LTBP2: variants seen among roughly 807,000 people sequenced by gnomAD.
The protein encoded by LTBP2 is latent-transforming growth factor beta-binding protein 2.
A neutral mutation model predicts 210.6 loss-of-function variants in LTBP2; 103 were observed. The ratio of observed to expected loss-of-function variants is 0.49; its 90% confidence interval spans 0.42 to 0.58. LTBP2 has a LOEUF of 0.58. Among genes scored for constraint, LTBP2 ranks in the 20% least tolerant of loss-of-function variants. The pLI, the probability that LTBP2 is intolerant of heterozygous loss-of-function variation, is 0.00. For missense variants in LTBP2, 2,313 were observed against 2,494.5 expected (o/e 0.93, Z 1.55); for synonymous variants, 1,007 against 1,015.0 (o/e 0.99, Z 0.15).
rs115718997 is a variant in LTBP2, at chr14:74,597,963, C to T, written c.565+5672G>A. Reference sequence around the variant, plus strand: ...AAGGCTTGTTAAGCATTTCCCACAGCGAGGTGCTGCGCTCACTGCTTTACA... The same window carrying T: ...AAGGCTTGTTAAGCATTTCCCACAGTGAGGTGCTGCGCTCACTGCTTTACA... On this transcript the variant is annotated intron_variant, in intron 2 of 35. Transcript: ENST00000261978. 5.5e-3 allele frequency among the ~76,000 whole-genome samples: 841 copies of T among 152,312 alleles called. 8 individuals are homozygous for T. The highest frequency in any genetic ancestry group is 0.019 in the African/African-American group (807 of 41,572).
chr14:74,594,565 C>T (rs987837825), intron 2 of LTBP2, among the ~76,000 whole-genome samples: 1 of 152,222 alleles, frequency 6.6e-6, no homozygotes, highest in African/African-American at 2.4e-5. Context: ...TAGAGGCCTT[C>T]GCAGACGGGA....
chr14:74,612,158 C>A lies in LTBP2; in HGVS notation c.-214G>T. The A allele has an allele frequency of 1.9e-6, 1 of 521,948 alleles. No individual in the cohort carries two copies. Among genetic ancestry groups the A allele is most frequent in the Non-Finnish European group, 3.3e-6 (1 of 303,944 alleles). The allele number at this position is 521,948 out of a possible 1,614,324, so 32.3% of individuals were successfully genotyped here. On this transcript the variant is annotated 5_prime_UTR_variant, in exon 1 of 36. Coordinates refer to ENST00000261978, the MANE Select transcript of LTBP2 (RefSeq NM_000428.3). ...AGTCCGCGCTCCTACTCCAGCTGGG[C>A]TCGCACGGCTGCTGCACCTTCGCGC...
rs1029619699 is a variant in LTBP2 at position 74,498,992 on chromosome 14, T to C, written c.*1892A>G. The C allele has an allele frequency of 9.0e-6, 2 of 221,108 alleles. No homozygotes were observed. The highest frequency in any genetic ancestry group is 2.2e-5 in the African/African-American group (1 of 44,716). The allele number at this position is 221,108 out of a possible 1,614,324, so 13.7% of individuals were successfully genotyped here. A position where few individuals can be genotyped will look rare whatever the true frequency, so the allele number is the denominator to read the frequency against. ...TCATTTTATATCTGGTGAAAATATA[T>C]CTGAAGGTTAAGTTCCTAGAAGTGG... On this transcript the variant is annotated 3_prime_UTR_variant, in exon 36 of 36. Coordinates refer to ENST00000261978, the MANE Select transcript of LTBP2 (RefSeq NM_000428.3).
chr14:74,540,809 A>ATTATATATATATTT (rs1491126915), intron 8 of LTBP2, among the ~76,000 whole-genome samples: 4 of 63,812 alleles, frequency 6.3e-5, no homozygotes, highest in African/African-American at 1.1e-4. Flanking sequence ...ATATATATAT[A>ATTATATATATATTT]ATATATATAT....
In LTBP2 at chr14:74,508,092, A is replaced by C. The variant is rs1480778578; in HGVS notation, c.3656T>G (p.Val1219Gly). The C allele has an allele frequency of 1.2e-6, 2 of 1,613,762 alleles. No homozygotes were observed. Among genetic ancestry groups the C allele is most frequent in the South Asian group, 2.2e-5 (2 of 91,076 alleles). Residue 1219 changes from valine (V) to glycine (G), a missense_variant, in exon 25 of 36, where the codon GTG becomes GGG. Physicochemically the swap from Val to Gly is moderately radical, Grantham distance 109 (BLOSUM62 -3). This residue lies in a region of LTBP2 where 1,867 missense variants were observed against 1,976.9 expected (regional missense o/e 0.94). Coordinates refer to ENST00000261978, the MANE Select transcript of LTBP2 (RefSeq NM_000428.3). ...SAEGGTSCQD[V>G]DECATTDPCV... ...CGGGTCTGTGGTGGCACACTCGTCC[A>C]CATCTAGAGTAGAGATGGCTGTCAG...
chr14:74,586,263 C>T lies in LTBP2; in HGVS notation c.566-145G>A. ...GCCACTCTCCTGGCCTCAGGGGGCT[C>T]CCTGACCCATGTCTCTCCCACCTCC... On this transcript the variant is annotated intron_variant, in intron 2 of 35. Transcript: ENST00000261978. The surrounding 1 kb of genome is among the most constrained non-coding windows in gnomAD (Gnocchi z 4.6). 6.9e-6 allele frequency: 6 copies of T among 873,370 alleles called. No homozygotes were observed. The highest frequency in any genetic ancestry group is 1.0e-5 in the Non-Finnish European group (6 of 575,856). The allele number at this position is 873,370 out of a possible 1,614,324, so 54.1% of individuals were successfully genotyped here. A position where few individuals can be genotyped will look rare whatever the true frequency, so the allele number is the denominator to read the frequency against.
chr14:74,506,022 T>C (rs1199325387), intron 28 of LTBP2, 26 bp downstream of exon 28: 7 of 1,613,642 alleles, frequency 4.3e-6, no homozygotes, highest in Middle Eastern at 1.6e-4. Flanking sequence ...TGAGTCACCA[T>C]GGATAATGTG....
In LTBP2 at chr14:74,608,081, C is replaced by T. The variant is rs568743618; in HGVS notation, c.494+3370G>A. On this transcript the variant is annotated intron_variant, in intron 1 of 35. Transcript: ENST00000261978. ...GACTACAGGCGCCCGCCACCGCGCCCGGCTAATTTTTTGTATTTTTAGTAG... is the reference window on the plus strand; with the variant it reads ...GACTACAGGCGCCCGCCACCGCGCCTGGCTAATTTTTTGTATTTTTAGTAG... Among the ~76,000 whole-genome samples, 329 of 151,392 alleles carry T rather than the reference C, an allele frequency of 2.2e-3. 2 individuals are homozygous for T. Among genetic ancestry groups the T allele is most frequent in the African/African-American group, 7.3e-3 (300 of 41,316 alleles).
chr14:74,502,774 C>T lies in LTBP2; in HGVS notation c.5049G>A (p.Glu1683=). 1 of 1,614,154 alleles carries T rather than the reference C, an allele frequency of 6.2e-7. No homozygotes were observed. ...GGAAGGCAGGCTCAGGGACGGTGTC[C>T]TCGGGGCCCAGGTAGTTGTAGAAGG... The part of the protein sequence containing the change: ...GAPFYNYLGP[E]DTVPEPAFPN... Residue 1683 remains glutamate, a synonymous_variant, in exon 34 of 36, where the codon GAG becomes GAA. Coordinates refer to ENST00000261978, the MANE Select transcript of LTBP2 (RefSeq NM_000428.3).
At chr14:74,524,236 AG>A (rs1174220529) in intron 15 of LTBP2, among the ~76,000 whole-genome samples, 2 of 152,162 alleles carry the variant, frequency 1.3e-5, no homozygotes, top group African/African-American at 2.4e-5. Context: ...AGAGGCCAGA[AG>A]GGGATGCTCC....
chr14:74,509,900 C>T, intron 20 of LTBP2, 41 bp from the exon 21 acceptor site: 1 of 1,613,878 alleles, frequency 6.2e-7, no homozygotes, highest in East Asian at 2.2e-5. Flanking sequence ...CTCTGCAGGA[C>T]AGACAGGCCA....
At chr14:74,542,818 G>A (rs1054050162) in intron 8 of LTBP2, among the ~76,000 whole-genome samples, 1 of 150,824 alleles carries the variant, frequency 6.6e-6, no homozygotes. Context: ...CCAGGCTGGA[G>A]TGCAGTGGCG....
intron 3 of LTBP2, among the ~76,000 whole-genome samples, chr14:74,568,041 G>C (rs568140411): frequency 6.6e-6 from 1 of 152,296 alleles, no homozygotes; most frequent in Non-Finnish European, 1.5e-5. Flanking sequence ...CTGGGGGGCA[G>C]GGGGTAGGGA....
At chr14:74,515,154 A>G (rs79855233) in intron 18 of LTBP2, among the ~76,000 whole-genome samples, 293 of 152,214 alleles carry the variant, frequency 1.9e-3, no homozygotes, top group Admixed American at 3.4e-3. Flanking sequence ...TGAGATGGGC[A>G]TTACAGTTCA....
chr14:74,593,001 C>T (rs1271408575), intron 2 of LTBP2, among the ~76,000 whole-genome samples: 1 of 152,108 alleles, frequency 6.6e-6, no homozygotes, highest in Non-Finnish European at 1.5e-5. Flanking sequence ...GTGGAAAGTC[C>T]CAGCTTTGGG....
chr14:74,508,201 G>A, intron 24 of LTBP2, 106 bp from the exon 25 acceptor site: 2 of 1,408,410 alleles, frequency 1.4e-6, no homozygotes, highest in Non-Finnish European at 9.8e-7. Context: ...GAGTCAGGGA[G>A]TGGCTTATGT....
Position 74,586,987 on chromosome 14 carries a change from G to A in LTBP2, c.566-869C>T, listed in dbSNP as rs2088214864. Among the ~76,000 whole-genome samples, 1 of 152,170 alleles carries A rather than the reference G, an allele frequency of 6.6e-6. No homozygotes were observed. The highest frequency in any genetic ancestry group is 1.5e-5 in the Non-Finnish European group (1 of 68,016). Reference sequence around the variant, plus strand: ...GAGCTGAAACCAGGCCCTCCTCCCGGTTAGCCCTATGCAGCATTAGCCACC... The same window carrying A: ...GAGCTGAAACCAGGCCCTCCTCCCGATTAGCCCTATGCAGCATTAGCCACC... On this transcript the variant is annotated intron_variant, in intron 2 of 35. Coordinates refer to ENST00000261978, the MANE Select transcript of LTBP2 (RefSeq NM_000428.3). The surrounding 1 kb of genome is among the most constrained non-coding windows in gnomAD (Gnocchi z 4.6).
chr14:74,585,149 GGCC>G (rs750077573), intron 3 of LTBP2, among the ~76,000 whole-genome samples: 54 of 152,346 alleles, frequency 3.5e-4, no homozygotes, highest in Non-Finnish European at 7.3e-4. Flanking sequence ...CTGGCAAGCA[GGCC>G]AGGGAATCCT....
intron 3 of LTBP2, among the ~76,000 whole-genome samples, chr14:74,576,038 T>C (rs568108882): frequency 1.6e-4 from 24 of 152,178 alleles, no homozygotes; most frequent in Non-Finnish European, 3.2e-4. Flanking sequence ...CTGTCCAGAC[T>C]CTCAGCACTC....
Sources: allele counts gnomAD v4.1 joint callset (sites outside exome capture counted in the v4.1 genomes callset), GRCh38; gene constraint gnomAD v4.1.1; regional missense constraint gnomAD v4.1.1; non-coding constraint Gnocchi (gnomAD v3.1); transcripts MANE v1.5; gene names NCBI Gene and HGNC (gene_info 2026-07-23, HGNC 2026-07-21).